Variants in LMCD1 observed in about 807,000 individuals in gnomAD.
The protein encoded by LMCD1 is LIM and cysteine-rich domains protein 1.
In LMCD1, 32 loss-of-function variants were observed where a neutral mutation model predicts 42.7. The observed-to-expected ratio is 0.75, with a 90% CI of 0.57 to 1.01. The LOEUF (loss-of-function observed/expected upper bound fraction) is 1.01, where lower values mean the gene tolerates loss of function less well. Among genes scored for constraint, LMCD1 ranks in the 50% least tolerant of loss-of-function variants. The pLI is 0.00. For synonymous variants in LMCD1, 178 were observed against 184.9 expected, an observed-to-expected ratio of 0.96 and a Z score of 0.30; for missense variants, 458 against 483.1, an observed-to-expected ratio of 0.95 and a Z score of 0.49.
At chr3:8,565,078 T>A (rs1010422199) in intron 4 of LMCD1, among the ~76,000 whole-genome samples, 2 of 152,208 alleles carry the variant, frequency 1.3e-5, no homozygotes, top group Non-Finnish European at 1.5e-5. Flanking sequence ...ATTAAAAAAA[T>A]TTAAATTGTT....
intron 4 of LMCD1, among the ~76,000 whole-genome samples, chr3:8,563,209 A>C (rs1695070597): frequency 6.6e-6 from 1 of 152,268 alleles, no homozygotes; most frequent in Non-Finnish European, 1.5e-5. Context: ...TCAAACAACC[A>C]TACAGAGAAA....
chr3:8,565,257 T>C (rs1695106557), intron 4 of LMCD1, among the ~76,000 whole-genome samples, 175 bp from the exon 5 acceptor site: 1 of 152,156 alleles, frequency 6.6e-6, no homozygotes, highest in Non-Finnish European at 1.5e-5. Context: ...GAATAGCCTG[T>C]TAGGTAGGCA....
intron 1 of LMCD1, among the ~76,000 whole-genome samples, chr3:8,521,046 A>G (rs1694196245): frequency 6.6e-6 from 1 of 152,186 alleles, no homozygotes; most frequent in Non-Finnish European, 1.5e-5. Flanking sequence ...AGCTAGTTCA[A>G]AGGGAGCTGG....
chr3:8,566,140 T>A (rs139219783), intron 5 of LMCD1, among the ~76,000 whole-genome samples: 1 of 152,304 alleles, frequency 6.6e-6, no homozygotes, highest in African/African-American at 2.4e-5. Context: ...TTATAAATGG[T>A]AGCTGCTGTT....
At position 8,571,017 on chromosome 3, in the gene LMCD1, G is replaced by T. The variant is rs355133; in HGVS notation, c.*3419G>T. 58,611 of 151,924 alleles carry T rather than the reference G, an allele frequency of 0.39. 11,436 individuals are homozygous for T. The highest frequency in any genetic ancestry group is 0.5 in the Middle Eastern group (146 of 294). 9.4% of individuals were successfully genotyped at this position (151,924 alleles called of 1,614,324 possible). A position where few individuals can be genotyped will look rare whatever the true frequency, so the allele number is the denominator to read the frequency against. On this transcript the variant is annotated 3_prime_UTR_variant, in exon 6 of 6. Coordinates refer to ENST00000157600, the MANE Select transcript of LMCD1 (RefSeq NM_014583.4). ...AATAGCTGAGTGGGATTCTGTACCA[G>T]AATTGGAAAGATCCATGTTAACTCT...
intron 1 of LMCD1, 80 bp from the exon 2 acceptor site, chr3:8,532,657 C>A: frequency 8.2e-6 from 10 of 1,214,824 alleles, no homozygotes; most frequent in Non-Finnish European, 1.2e-5. Context: ...TTTGCCAGCA[C>A]GCCAAGTCTT....
rs922529892 is a variant in LMCD1 at position 8,565,776 on chromosome 3, C to T, written c.939+129C>T. 6.0e-6 allele frequency: 5 copies of T among 835,064 alleles called. No individual in the cohort carries two copies. In the Admixed American group the frequency reaches 9.5e-5, roughly 16 times the overall value. 51.7% of individuals were successfully genotyped at this position (835,064 alleles called of 1,614,324 possible). A position where few individuals can be genotyped will look rare whatever the true frequency, so the allele number is the denominator to read the frequency against. ...AGATTGGGAAACTGAAGTCAGGCCT[C>T]ACTGCATGCTCTCAACCTTCATTTT... is the stretch of plus-strand genomic sequence containing the variant. On this transcript the variant is annotated intron_variant, in intron 5 of 5. Transcript: ENST00000157600.
At chr3:8,549,214 G>T (rs570387958) in intron 4 of LMCD1, among the ~76,000 whole-genome samples, 3 of 152,294 alleles carry the variant, frequency 2.0e-5, no homozygotes, top group African/African-American at 7.2e-5. Context: ...GTACAAGCTG[G>T]TCTACGAAGA....
intron 2 of LMCD1, among the ~76,000 whole-genome samples, chr3:8,535,546 G>A (rs996376646): frequency 2.6e-5 from 4 of 152,162 alleles, no homozygotes; most frequent in African/African-American, 7.2e-5. Context: ...TTGCACTAAA[G>A]AGAGGTGTTT....
intron 1 of LMCD1, among the ~76,000 whole-genome samples, chr3:8,511,797 GCAAAAC>G (rs1404259942): frequency 1.3e-5 from 2 of 152,094 alleles, no homozygotes; most frequent in Non-Finnish European, 2.9e-5. Flanking sequence ...TTCCTCTCAA[GCAAAAC>G]CCACTGGGGT....
At chr3:8,511,390 G>A (rs1480501810) in intron 1 of LMCD1, among the ~76,000 whole-genome samples, 1 of 152,188 alleles carries the variant, frequency 6.6e-6, no homozygotes, top group Non-Finnish European at 1.5e-5. Flanking sequence ...GAAATAAAAG[G>A]AAAGGAATTT....
chr3:8,524,687 C>CTGTTGTTGT (rs113066862), intron 1 of LMCD1, among the ~76,000 whole-genome samples: 21 of 151,644 alleles, frequency 1.4e-4, no homozygotes, highest in African/African-American at 3.6e-4. Context: ...TGTGATGTTG[C>CTGTTGTTGT]TGTTGTTGTT....
intron 1 of LMCD1, among the ~76,000 whole-genome samples, chr3:8,503,551 T>G (rs1488160713): frequency 6.6e-6 from 1 of 152,208 alleles, no homozygotes; most frequent in Non-Finnish European, 1.5e-5. Flanking sequence ...TCTCTATACA[T>G]TTTTCTGGAC....
intron 4 of LMCD1, among the ~76,000 whole-genome samples, chr3:8,554,675 G>T (rs1412650192): frequency 6.6e-6 from 1 of 152,186 alleles, no homozygotes. Context: ...TCCCCACCTG[G>T]ATGGAACTGA....
At chr3:8,551,135 C>A (rs1222384158) in intron 4 of LMCD1, 1 of 985,204 alleles carries the variant, frequency 1.0e-6, no homozygotes, top group Non-Finnish European at 1.2e-6. Flanking sequence ...TATGTCCCTG[C>A]CCCAACCACA....
At chr3:8,561,960 T>C (rs1167417431) in intron 4 of LMCD1, among the ~76,000 whole-genome samples, 1 of 152,190 alleles carries the variant, frequency 6.6e-6, no homozygotes, top group Non-Finnish European at 1.5e-5. Flanking sequence ...CTTTAGAGGA[T>C]GAGAATAGGC....
At chr3:8,549,033 T>C in intron 4 of LMCD1, 130 bp downstream of exon 4, 1 of 662,410 alleles carries the variant, frequency 1.5e-6, no homozygotes. Flanking sequence ...TCAGCAGATA[T>C]TGATTGCTCA....
In LMCD1 at chr3:8,569,193, C is replaced by A. The variant is rs1353769382; in HGVS notation, c.*1595C>A. 6.6e-6 allele frequency: 1 copy of A among 152,194 alleles called. No individual in the cohort carries two copies. Among genetic ancestry groups the A allele is most frequent in the Non-Finnish European group, 1.5e-5 (1 of 68,042 alleles). 9.4% of individuals were successfully genotyped at this position (152,194 alleles called of 1,614,324 possible). A position where few individuals can be genotyped will look rare whatever the true frequency, so the allele number is the denominator to read the frequency against. On this transcript the variant is annotated 3_prime_UTR_variant, in exon 6 of 6. Coordinates refer to ENST00000157600, the MANE Select transcript of LMCD1 (RefSeq NM_014583.4). ...CTTATGTCTTTCTGGCCTTGGAGCC[C>A]TTTATTTCCCTAGATTTCTAGTTCC...
chr3:8,553,846 C>T (rs1405885691), intron 4 of LMCD1, among the ~76,000 whole-genome samples: 1 of 152,222 alleles, frequency 6.6e-6, no homozygotes, highest in African/African-American at 2.4e-5. Flanking sequence ...GATGCTACTG[C>T]ACCCACTGTC....
Sources: allele counts gnomAD v4.1 joint callset (sites outside exome capture counted in the v4.1 genomes callset), GRCh38; gene constraint gnomAD v4.1.1; transcripts MANE v1.5; gene names NCBI Gene and HGNC (gene_info 2026-07-23, HGNC 2026-07-21).